Variants in NEBL observed in about 807,000 individuals in gnomAD.
The protein encoded by NEBL is nebulette.
A neutral mutation model predicts 140.2 loss-of-function variants in NEBL; 122 were observed. The ratio of observed to expected loss-of-function variants is 0.87; its 90% CI spans 0.75 to 1.01. The LOEUF is 1.01. NEBL is among the 50% of genes least tolerant of loss of function. The probability of loss-of-function intolerance (pLI) is 0.00; values close to 1 mark genes in which losing one functional copy is unlikely to be tolerated. For missense variants in NEBL, 1,365 were observed against 1,231.3 expected (o/e 1.11, Z -1.62); for synonymous variants, 436 against 398.9 (o/e 1.09, Z -1.11).
At chr10:20,840,618 T>C in intron 13 of NEBL, 121 bp downstream of exon 13, 1 of 720,118 alleles carries the variant, frequency 1.4e-6, no homozygotes, top group South Asian at 1.6e-5. Flanking sequence ...TACAAGGATA[T>C]AGCTGTTTAC....
chr10:21,001,304 A>G (rs576231432), intron 3 of NEBL, among the ~76,000 whole-genome samples: 1 of 152,330 alleles, frequency 6.6e-6, no homozygotes, highest in Non-Finnish European at 1.5e-5. Context: ...GTCTTGTCCC[A>G]CAGACATTCC....
At chr10:21,031,232 TG>T (rs976441569) in intron 2 of NEBL, among the ~76,000 whole-genome samples, 1 of 152,084 alleles carries the variant, frequency 6.6e-6, no homozygotes, top group African/African-American at 2.4e-5. Flanking sequence ...AGGATGATGA[TG>T]AACCCTATGG....
chr10:21,082,535 TAAAAAAAAAAAAAAAA>T (rs61234594), intron 2 of NEBL, among the ~76,000 whole-genome samples: 4 of 117,298 alleles, frequency 3.4e-5, no homozygotes, highest in Admixed American at 8.7e-5. Flanking sequence ...CCACCACCAC[TAAAAAAAAAAAAAAAA>T]AAAAAAAAAA....
intron 4 of NEBL, among the ~76,000 whole-genome samples, chr10:20,936,722 G>A (rs1006407247): frequency 6.6e-6 from 1 of 152,062 alleles, no homozygotes; most frequent in Non-Finnish European, 1.5e-5. Context: ...TTTTCTTTAG[G>A]ATTACCACTC....
intron 2 of NEBL, among the ~76,000 whole-genome samples, chr10:21,114,123 T>C (rs1245118754): frequency 2.6e-5 from 4 of 152,098 alleles, no homozygotes; most frequent in Non-Finnish European, 5.9e-5. Flanking sequence ...ATATGTTGTT[T>C]TAATTTTCAT....
intron 3 of NEBL, among the ~76,000 whole-genome samples, chr10:21,196,347 TTATC>T (rs1214772250): frequency 6.7e-6 from 1 of 148,254 alleles, no homozygotes; most frequent in Non-Finnish European, 1.5e-5. Context: ...ATTTATTTAT[TTATC>T]TATTTATTTT....
At chr10:20,856,282 G>C (rs1487711271) in intron 9 of NEBL, among the ~76,000 whole-genome samples, 2 of 152,162 alleles carry the variant, frequency 1.3e-5, no homozygotes, top group Admixed American at 1.3e-4. Flanking sequence ...ATTTATATTA[G>C]ACTGCGATTT....
At chr10:21,104,662 T>G (rs1837628717) in intron 2 of NEBL, among the ~76,000 whole-genome samples, 1 of 152,166 alleles carries the variant, frequency 6.6e-6, no homozygotes, top group South Asian at 2.1e-4. Context: ...GACAATCATG[T>G]GGTCTGTGAA....
In NEBL at chr10:21,284,372, C is replaced by G. The variant is rs1843030810; in HGVS notation, n.182+8458G>C. On this transcript the variant is annotated intron_variant and non_coding_transcript_variant, in intron 1 of 8. Coordinates refer to the NEBL transcript ENST00000675702. ...TGCCTAGGCCTGATCACCGTCCCAA[C>G]TTGGCTCTTCCTGCAGCCCACCCTC... is the stretch of plus-strand genomic sequence containing the variant. 2.0e-5 allele frequency among the ~76,000 whole-genome samples: 3 copies of G among 152,188 alleles called. No individual in the cohort carries two copies. In the South Asian group the frequency reaches 6.2e-4, roughly 31 times the overall value.
At chr10:21,158,590 C>T (rs769455218) in intron 2 of NEBL, among the ~76,000 whole-genome samples, 8 of 152,176 alleles carry the variant, frequency 5.3e-5, no homozygotes, top group East Asian at 1.9e-4. Flanking sequence ...CCACCACATC[C>T]GCTCTCACTG....
At chr10:21,247,795 C>T (rs1269285028) in intron 3 of NEBL, 1 of 159,224 alleles carries the variant, frequency 6.3e-6, no homozygotes, top group Non-Finnish European at 1.4e-5. Flanking sequence ...AAAGTGCTGA[C>T]AAATCATCCC....
chr10:20,884,329 G>A (rs1174876611), intron 4 of NEBL, among the ~76,000 whole-genome samples: 1 of 151,912 alleles, frequency 6.6e-6, no homozygotes, highest in African/African-American at 2.4e-5. Context: ...TGCCCACCTC[G>A]GCCTTCCAAA....
At chr10:21,135,701 G>A (rs766214182) in intron 2 of NEBL, among the ~76,000 whole-genome samples, 1 of 152,144 alleles carries the variant, frequency 6.6e-6, no homozygotes, top group South Asian at 2.1e-4. Context: ...GAGTAGAATT[G>A]GTGAGGGGTC....
intron 2 of NEBL, among the ~76,000 whole-genome samples, chr10:21,024,367 G>A (rs1163047538): frequency 1.1e-4 from 16 of 152,072 alleles, no homozygotes; most frequent in South Asian, 4.2e-4. Context: ...TATTAGTAAC[G>A]AAAATAATAA....
chr10:21,174,746 G>A (rs1841258737), upstream of NEBL: 2 of 152,246 alleles, frequency 1.3e-5, no homozygotes, highest in Admixed American at 1.3e-4. Flanking sequence ...TCTTCCGAGA[G>A]GACGCTTCTC....
intron 4 of NEBL, among the ~76,000 whole-genome samples, chr10:20,947,795 TGC>T (rs1449523474): frequency 3.3e-5 from 5 of 152,130 alleles, no homozygotes; most frequent in African/African-American, 9.7e-5. Context: ...ACATGCTTCA[TGC>T]GTAAGTGAGG....
upstream of NEBL, among the ~76,000 whole-genome samples, chr10:20,902,090 T>A (rs1426831436): frequency 6.6e-6 from 1 of 152,138 alleles, no homozygotes; most frequent in African/African-American, 2.4e-5. Flanking sequence ...TGTGTCACCA[T>A]GACCAAGTAT....
intron 9 of NEBL, among the ~76,000 whole-genome samples, chr10:20,854,191 C>G (rs1387653190): frequency 6.6e-6 from 1 of 152,164 alleles, no homozygotes; most frequent in Non-Finnish European, 1.5e-5. Flanking sequence ...CTAAAGATAG[C>G]TGCTTATTAG....
At position 20,785,486 on chromosome 10, in the gene NEBL, CCAAT is replaced by C. The variant is rs1171325546; in HGVS notation, c.*257_*260del. 20 of 509,878 alleles carry C rather than the reference CCAAT, an allele frequency of 3.9e-5. No individual in the cohort carries two copies. The East Asian group carries it at 5.5e-4, about 14-fold the overall frequency. The allele number at this position is 509,878 out of a possible 1,614,324, so 31.6% of individuals were successfully genotyped here. A position where few individuals can be genotyped will look rare whatever the true frequency, so the allele number is the denominator to read the frequency against. On this transcript the variant is annotated 3_prime_UTR_variant, in exon 28 of 28. Coordinates refer to ENST00000377122, the MANE Select transcript of NEBL (RefSeq NM_006393.3). ...TACATTTCCCAGAAGGGTTCAATAGCCAATCAAAGGAAACCATGAACACAATTAG... is the reference window on the plus strand; with the variant it reads ...TACATTTCCCAGAAGGGTTCAATAGCCAAAGGAAACCATGAACACAATTAG...
Sources: allele counts gnomAD v4.1 joint callset (sites outside exome capture counted in the v4.1 genomes callset), GRCh38; gene constraint gnomAD v4.1.1; transcripts MANE v1.5; gene names NCBI Gene and HGNC (gene_info 2026-07-23, HGNC 2026-07-21).